The following SBF2 variants were observed in gnomAD, a reference collection of about 807,000 sequenced individuals.
SBF2 encodes the protein SET binding factor 2.
SBF2 carries 112 observed loss-of-function variants against 225.2 expected under a neutral mutation model. That is an observed-to-expected ratio of 0.50 (90% CI 0.43 to 0.58). The LOEUF (loss-of-function observed/expected upper bound fraction) is 0.58. SBF2 is among the 20% of genes least tolerant of loss of function. SBF2 has a pLI of 0.00. For missense variants in SBF2, 1,996 were observed against 2,206.2 expected (o/e 0.90, Z 1.91); for synonymous variants, 763 against 773.3 (o/e 0.99, Z 0.22).
chr11:10,042,745 A>G, intron 3 of SBF2, 99 bp downstream of exon 3: 1 of 1,279,804 alleles, frequency 7.8e-7, no homozygotes, highest in East Asian at 2.3e-5. Context: ...GCTAGCCCAT[A>G]AAACTCAAAC....
rs779723593 is a variant in SBF2, at chr11:10,000,923, G to A, written c.852C>T (p.Val284=). ...AAAGATGAATACTTACAAGTTCATG[G>A]ACATCAGTTTTAAAGACAGAATGTA... ...IGVHSVFKTD[V]HELLDVIIAD... The change falls in exon 8 of 40, where the codon GTC becomes GTT. Residue 284 remains valine (V), a synonymous_variant. Transcript: ENST00000256190. The A allele has an allele frequency of 6.5e-7, 1 of 1,549,632 alleles. No homozygotes were observed. The highest frequency in any genetic ancestry group is 8.9e-7 in the Non-Finnish European group (1 of 1,121,458).
upstream of SBF2, among the ~76,000 whole-genome samples, chr11:10,294,928 G>C (rs941841409): frequency 1.3e-5 from 2 of 152,248 alleles, no homozygotes; most frequent in African/African-American, 4.8e-5. Flanking sequence ...GCCCGAGCAG[G>C]TGGACTTCCA....
chr11:10,148,014 T>C (rs1200040520), intron 2 of SBF2, among the ~76,000 whole-genome samples: 1 of 152,198 alleles, frequency 6.6e-6, no homozygotes, highest in Admixed American at 6.5e-5. Context: ...TGCTAAATGC[T>C]TAGCATGGTA....
At chr11:9,842,552 C>T in intron 25 of SBF2, 73 bp downstream of exon 25, 2 of 1,487,928 alleles carry the variant, frequency 1.3e-6, no homozygotes. Context: ...GATGTAAGTG[C>T]AACTACATCT....
intron 2 of SBF2, among the ~76,000 whole-genome samples, chr11:10,143,225 G>C (rs1954731282): frequency 6.6e-6 from 1 of 151,934 alleles, no homozygotes; most frequent in African/African-American, 2.4e-5. Flanking sequence ...AGGCGGGAGT[G>C]CAATGGCGCA....
Position 10,217,942 on chromosome 11 carries a change from C to A in SBF2, c.56-23955G>T, listed in dbSNP as rs536715580. On this transcript the variant is annotated intron_variant, in intron 1 of 39. Transcript: ENST00000256190. ...TGAGATGGAGTCTCGCTCTGTCGCC[C>A]AGGCTGGAGTGCAGTGGCGCGATCT... is the stretch of plus-strand genomic sequence containing the variant. 2.0e-5 allele frequency among the ~76,000 whole-genome samples: 3 copies of A among 152,106 alleles called. No homozygotes were observed. The East Asian group carries it at 5.8e-4, about 29-fold the overall frequency.
chr11:9,787,859 G>A, intron 35 of SBF2, 121 bp from the exon 36 acceptor site: 1 of 818,908 alleles, frequency 1.2e-6, no homozygotes, highest in Non-Finnish European at 2.0e-6. Flanking sequence ...GTTGAGGAAA[G>A]TGGTGGACAT....
Position 10,133,089 on chromosome 11 carries a change from T to G in SBF2, c.141+60813A>C, listed in dbSNP as rs984255672. 5.3e-4 allele frequency among the ~76,000 whole-genome samples: 78 copies of G among 147,088 alleles called. 3 individuals are homozygous for G. The highest frequency in any genetic ancestry group is 4.8e-4 in the African/African-American group (19 of 39,698). The stretch of plus-strand genomic sequence containing the variant: ...TGAGCTAGACATAAAGGTTCTCCAC[T>G]TCCTCACCAGAGCAGCTAGATACAG... On this transcript the variant is annotated intron_variant, in intron 2 of 39. Transcript: ENST00000256190.
Position 10,029,861 on chromosome 11 carries a change from C to T in SBF2, c.417G>A (p.Leu139=), listed in dbSNP as rs764974709. 9 of 1,611,354 alleles carry T rather than the reference C, an allele frequency of 5.6e-6. No homozygotes were observed. The Admixed American group carries it at 6.7e-5, about 12-fold the overall frequency. Residue 139 remains leucine, a synonymous_variant, in exon 5 of 40, where the codon TTG becomes TTA. Transcript: ENST00000256190. ...GGCTGTCCACATACACGGTATAGAT[C>T]AAACCCAGGCAAGCCTGCAAAAAGA... ...YPEIFRACLG[L]IYTVYVDSLN... is the part of the protein sequence containing the mutation.
At chr11:10,062,555 A>G (rs1484123405) in intron 2 of SBF2, among the ~76,000 whole-genome samples, 1 of 152,250 alleles carries the variant, frequency 6.6e-6, no homozygotes, top group Non-Finnish European at 1.5e-5. Context: ...TTTTAAAAAA[A>G]GACATACATG....
chr11:10,045,727 A>G (rs1949835261), intron 2 of SBF2, among the ~76,000 whole-genome samples: 1 of 152,226 alleles, frequency 6.6e-6, no homozygotes, highest in Non-Finnish European at 1.5e-5. Flanking sequence ...GAAATGTACC[A>G]ATTTCTTGAA....
intron 2 of SBF2, among the ~76,000 whole-genome samples, chr11:10,142,418 C>T (rs984854501): frequency 3.3e-5 from 5 of 152,124 alleles, no homozygotes; most frequent in Non-Finnish European, 7.4e-5. Flanking sequence ...AAGCCTCTTC[C>T]ATCAAAGCCA....
intron 17 of SBF2, among the ~76,000 whole-genome samples, chr11:9,894,481 C>A (rs1459965784): frequency 6.6e-6 from 1 of 151,870 alleles, no homozygotes; most frequent in Non-Finnish European, 1.5e-5. Context: ...CGCGCCACTA[C>A]ACTCTAGCCT....
chr11:9,842,590 G>C (rs1244273000), intron 25 of SBF2, 35 bp downstream of exon 25: 1 of 1,605,344 alleles, frequency 6.2e-7, no homozygotes, highest in Non-Finnish European at 8.5e-7. Context: ...AAGAAATAAA[G>C]TTGAATAATG....
intron 2 of SBF2, among the ~76,000 whole-genome samples, chr11:10,072,135 C>T (rs1314992554): frequency 1.3e-5 from 2 of 152,038 alleles, no homozygotes; most frequent in African/African-American, 4.8e-5. Flanking sequence ...ACCCATTTAC[C>T]CTTACCTAGA....
chr11:10,157,544 C>A (rs1376061404), intron 2 of SBF2, among the ~76,000 whole-genome samples: 3 of 152,146 alleles, frequency 2.0e-5, no homozygotes, highest in African/African-American at 7.2e-5. Flanking sequence ...TATTCAGCAT[C>A]TATAAGGAAC....
intron 13 of SBF2, among the ~76,000 whole-genome samples, chr11:9,988,827 T>C (rs1007712742): frequency 2.6e-5 from 4 of 152,202 alleles, no homozygotes; most frequent in Non-Finnish European, 5.9e-5. Context: ...GTACAGCTAC[T>C]ATGGAAAATG....
At chr11:9,967,939 G>A (rs34892201) in intron 14 of SBF2, among the ~76,000 whole-genome samples, 1 of 103,650 alleles carries the variant, frequency 9.6e-6, no homozygotes, top group African/African-American at 3.5e-5. Flanking sequence ...CTGTCTGTCT[G>A]TCTGTCTGTC....
chr11:9,784,742 G>A (rs1852260070), intron 37 of SBF2, among the ~76,000 whole-genome samples: 1 of 152,334 alleles, frequency 6.6e-6, no homozygotes, highest in East Asian at 1.9e-4. Flanking sequence ...GATACTGTGT[G>A]AGAAGCTAGC....
Sources: gnomAD v4.1 joint callset for allele counts (sites outside exome capture counted in the v4.1 genomes callset) on GRCh38, gnomAD v4.1.1 for gene constraint, MANE v1.5 for transcripts, NCBI Gene and HGNC (gene_info 2026-07-23, HGNC 2026-07-21) for gene names.